Variants in ADAMTS3 observed in about 807,000 individuals in gnomAD.
The protein encoded by ADAMTS3 is A disintegrin and metalloproteinase with thrombospondin motifs 3.
A neutral mutation model predicts 129.0 loss-of-function variants in ADAMTS3; 73 were observed. That is an observed-to-expected ratio of 0.57 (90% CI 0.47 to 0.69). The LOEUF (loss-of-function observed/expected upper bound fraction) is 0.69. ADAMTS3 is among the 30% of genes least tolerant of loss of function. The pLI, the probability that ADAMTS3 is intolerant of heterozygous loss-of-function variation, is 0.00. For synonymous variants in ADAMTS3, 477 were observed against 510.8 expected, an observed-to-expected ratio of 0.93 and a Z score of 0.89; for missense variants, 1,457 against 1,514.5, an observed-to-expected ratio of 0.96 and a Z score of 0.63.
intron 17 of ADAMTS3, among the ~76,000 whole-genome samples, chr4:72,299,141 A>G (rs1166674084): frequency 6.6e-6 from 1 of 150,424 alleles, no homozygotes; most frequent in Non-Finnish European, 1.5e-5. Flanking sequence ...ATTTCATGTA[A>G]CATGCACATT....
intron 4 of ADAMTS3, among the ~76,000 whole-genome samples, chr4:72,396,471 G>T (rs1721727822): frequency 6.6e-6 from 1 of 151,968 alleles, no homozygotes; most frequent in Non-Finnish European, 1.5e-5. Context: ...AGAAAAAAAA[G>T]AAATGATGAC....
At position 72,373,728 on chromosome 4, in the gene ADAMTS3, G is replaced by A. The variant is rs530304120; in HGVS notation, c.662-34035C>T. Among the ~76,000 whole-genome samples the A allele has an allele frequency of 5.1e-4, 78 of 151,616 alleles. 1 individual carries two copies. The highest frequency in any genetic ancestry group is 2.2e-3 in the Admixed American group (34 of 15,204). On this transcript the variant is annotated intron_variant, in intron 4 of 21. Transcript: ENST00000286657. The stretch of plus-strand genomic sequence containing the variant: ...AGCCTGGGTAACATGGTGAAACCCC[G>A]TCTCTACAAAAAATACAAAAAATTA...
intron 3 of ADAMTS3, among the ~76,000 whole-genome samples, chr4:72,424,589 T>C (rs1722525035): frequency 6.6e-6 from 1 of 152,012 alleles, no homozygotes. Context: ...AGAATGAACA[T>C]GATTACACAA....
At chr4:72,347,392 G>T (rs139255299) in intron 4 of ADAMTS3, among the ~76,000 whole-genome samples, 1 of 151,430 alleles carries the variant, frequency 6.6e-6, no homozygotes, top group East Asian at 2.0e-4. Flanking sequence ...CTCTGCTACA[G>T]TCATCAATAG....
intron 2 of ADAMTS3, 142 bp downstream of exon 2, chr4:72,567,232 G>GAAGAACAGAAATGTTTCCGGACT: frequency 2.4e-6 from 2 of 823,170 alleles, no homozygotes; most frequent in South Asian, 3.5e-5. Context: ...AAGAGGAAGA[G>GAAGAACAGAAATGTTTCCGGACT]AAGAACAGAA....
intron 3 of ADAMTS3, among the ~76,000 whole-genome samples, chr4:72,521,151 C>A (rs981475481): frequency 6.6e-6 from 1 of 152,130 alleles, no homozygotes; most frequent in African/African-American, 2.4e-5. Context: ...GTTCCTGCCA[C>A]CACCCCCAGC....
intron 21 of ADAMTS3, 63 bp downstream of exon 21, chr4:72,288,688 G>A: frequency 9.4e-7 from 1 of 1,060,454 alleles, no homozygotes; most frequent in Non-Finnish European, 1.4e-6. Context: ...CTCTCAAAAG[G>A]AAATTCTGCT....
intron 4 of ADAMTS3, among the ~76,000 whole-genome samples, chr4:72,405,409 A>G (rs114260954): frequency 1.2e-3 from 189 of 152,248 alleles, no homozygotes; most frequent in African/African-American, 4.3e-3. Context: ...ATAAAAAAAT[A>G]TAAAGAGACT....
intron 2 of ADAMTS3, among the ~76,000 whole-genome samples, chr4:72,554,601 C>T (rs1315905229): frequency 6.7e-6 from 1 of 148,932 alleles, no homozygotes; most frequent in East Asian, 1.9e-4. Context: ...CTATTTTATA[C>T]ATGTCTTATA....
At chr4:72,567,460 G>T (rs368602749) in intron 1 of ADAMTS3, 59 bp from the exon 2 acceptor site, 1 of 1,543,712 alleles carries the variant, frequency 6.5e-7, no homozygotes, top group African/African-American at 1.4e-5. Context: ...TTATCACCTT[G>T]TGAGTTTTAT....
At position 72,290,409 on chromosome 4, in the gene ADAMTS3, G is replaced by C. The variant is rs1718626196; in HGVS notation, c.2931+446C>G. Among the ~76,000 whole-genome samples, 3 of 152,096 alleles carry C rather than the reference G, an allele frequency of 2.0e-5. No individual in the cohort carries two copies. The South Asian group carries it at 6.2e-4, about 32-fold the overall frequency. The stretch of plus-strand genomic sequence containing the variant: ...GAGAGATTATCAGGTAGGAGGAGGG[G>C]GAGTACAAGTCAGCTGAAAGGTAGG... On this transcript the variant is annotated intron_variant, in intron 20 of 21. Coordinates refer to ENST00000286657, the MANE Select transcript of ADAMTS3 (RefSeq NM_014243.3).
chr4:72,404,855 CACACAA>C (rs1426067019), intron 4 of ADAMTS3, among the ~76,000 whole-genome samples: 5 of 117,526 alleles, frequency 4.3e-5, no homozygotes, highest in South Asian at 3.1e-4. Context: ...CACACACACA[CACACAA>C]AACACACAAA....
chr4:72,341,362 A>G (rs555069312), intron 4 of ADAMTS3, among the ~76,000 whole-genome samples: 3 of 152,324 alleles, frequency 2.0e-5, no homozygotes, highest in East Asian at 1.9e-4. Context: ...AAGGAATTAC[A>G]TTGGCTCCAC....
intron 19 of ADAMTS3, among the ~76,000 whole-genome samples, chr4:72,291,606 T>C (rs994859599): frequency 1.4e-4 from 21 of 151,976 alleles, no homozygotes; most frequent in African/African-American, 4.1e-4. Flanking sequence ...CTGCATAGTA[T>C]TCCATGGTGT....
chr4:72,467,504 T>C (rs1199319834), intron 3 of ADAMTS3, among the ~76,000 whole-genome samples: 2 of 152,088 alleles, frequency 1.3e-5, no homozygotes, highest in Non-Finnish European at 2.9e-5. Flanking sequence ...TGATCCCATC[T>C]TGTATCTCCA....
intron 4 of ADAMTS3, among the ~76,000 whole-genome samples, chr4:72,359,400 G>A (rs757342578): frequency 6.6e-6 from 1 of 151,988 alleles, no homozygotes; most frequent in Non-Finnish European, 1.5e-5. Flanking sequence ...TCAAGATATA[G>A]TGTATAGTAA....
chr4:72,291,204 A>G (rs1319656643), intron 19 of ADAMTS3, 142 bp from the exon 20 acceptor site: 1 of 734,508 alleles, frequency 1.4e-6, no homozygotes, highest in Non-Finnish European at 2.2e-6. Context: ...TGGTTTCAGA[A>G]AGATGGATAT....
chr4:72,463,431 G>A (rs1718826523), intron 3 of ADAMTS3, among the ~76,000 whole-genome samples: 2 of 152,062 alleles, frequency 1.3e-5, no homozygotes, highest in South Asian at 4.1e-4. Context: ...TTTGTGCAAA[G>A]CAGAAGCATA....
intron 3 of ADAMTS3, among the ~76,000 whole-genome samples, chr4:72,428,970 T>G (rs958667774): frequency 1.3e-5 from 2 of 152,062 alleles, no homozygotes; most frequent in Non-Finnish European, 2.9e-5. Flanking sequence ...CAAACTTTAG[T>G]GTGCCAAAGA....
Sources: allele counts gnomAD v4.1 joint callset (sites outside exome capture counted in the v4.1 genomes callset), GRCh38; gene constraint gnomAD v4.1.1; transcripts MANE v1.5; gene names NCBI Gene and HGNC (gene_info 2026-07-23, HGNC 2026-07-21).